Variants in ARFIP1 observed in about 807,000 individuals in gnomAD.
The protein encoded by ARFIP1 is arfaptin-1.
A neutral mutation model predicts 42.5 loss-of-function variants in ARFIP1; 24 were observed. The ratio of observed to expected loss-of-function variants is 0.57; its 90% CI spans 0.41 to 0.80. The LOEUF (loss-of-function observed/expected upper bound fraction) is 0.80. Among genes scored for constraint, ARFIP1 ranks in the 30% least tolerant of loss-of-function variants. ARFIP1 has a pLI of 0.00. For synonymous variants in ARFIP1, 141 were observed against 153.7 expected (o/e 0.92, Z 0.61); for missense variants, 354 against 434.0 (o/e 0.82, Z 1.64).
At chr4:152,851,370 A>C (rs568278334) in intron 2 of ARFIP1, among the ~76,000 whole-genome samples, 3 of 152,352 alleles carry the variant, frequency 2.0e-5, no homozygotes, top group African/African-American at 7.2e-5. Flanking sequence ...ACCTAGCCAG[A>C]TAAAGGGTGA....
chr4:152,853,963 T>G (rs1733213907), intron 2 of ARFIP1, among the ~76,000 whole-genome samples: 1 of 133,994 alleles, frequency 7.5e-6, no homozygotes. Flanking sequence ...CAGGCTGGAG[T>G]GCAGTGGGGC....
At chr4:152,801,084 G>A (rs1176395374) in intron 1 of ARFIP1, among the ~76,000 whole-genome samples, 1 of 152,128 alleles carries the variant, frequency 6.6e-6, no homozygotes, top group African/African-American at 2.4e-5. Flanking sequence ...TCAAGCTGAG[G>A]AGTCGGCTTT....
intron 8 of ARFIP1, among the ~76,000 whole-genome samples, chr4:152,904,260 G>A (rs1738113348): frequency 6.7e-6 from 1 of 148,900 alleles, no homozygotes; most frequent in South Asian, 2.1e-4. Context: ...GCGCAATATC[G>A]GCTCACTGCA....
intron 1 of ARFIP1, among the ~76,000 whole-genome samples, chr4:152,787,963 C>T (rs189807843): frequency 9.7e-4 from 148 of 152,222 alleles, no homozygotes; most frequent in African/African-American, 3.4e-3. Flanking sequence ...CAGTGGCTCA[C>T]GCCTGTAATC....
At chr4:152,800,137 A>G (rs1007568085) in intron 1 of ARFIP1, among the ~76,000 whole-genome samples, 2 of 152,224 alleles carry the variant, frequency 1.3e-5, no homozygotes, top group Non-Finnish European at 2.9e-5. Context: ...AAAGCATTAT[A>G]TGAGTTTACA....
chr4:152,888,152 C>G lies in ARFIP1; in HGVS notation c.811C>G (p.Arg271Gly). ...TTCCAGGATTGAATATGATGCATAT[C>G]GCACTGATTTGGAAGAACTGAATCT... ...ESARIEYDAY[R>G]TDLEELNLGP... The change falls in exon 8 of 9, where the codon CGC becomes GGC. Residue 271 changes from arginine (R) to glycine (G), a missense_variant. Physicochemically the swap from Arg to Gly is moderately radical, Grantham distance 125. Transcript: ENST00000353617. 1 of 1,608,424 alleles carries G rather than the reference C, an allele frequency of 6.2e-7. No homozygotes were observed. The highest frequency in any genetic ancestry group is 1.1e-5 in the South Asian group (1 of 89,998).
At chr4:152,857,623 A>G (rs1422641636) in intron 2 of ARFIP1, among the ~76,000 whole-genome samples, 1 of 152,182 alleles carries the variant, frequency 6.6e-6, no homozygotes, top group Non-Finnish European at 1.5e-5. Context: ...GTTTAGTTAA[A>G]TAACACCAGT....
In ARFIP1 at chr4:152,870,764, C is replaced by A; in HGVS notation, c.214C>A (p.Pro72Thr). The A allele has an allele frequency of 3.7e-6, 6 of 1,613,950 alleles. No homozygotes were observed. The highest frequency in any genetic ancestry group is 5.1e-6 in the Non-Finnish European group (6 of 1,179,846). The change falls in exon 4 of 9, where the codon CCG (proline) becomes ACG (threonine). Residue 72 changes from proline to threonine, a missense_variant. Physicochemically the swap from Pro to Thr is conservative, Grantham distance 38. Coordinates refer to ENST00000353617, the MANE Select transcript of ARFIP1 (RefSeq NM_001025595.3). ...GTCTACCTTTTCAGGTTCCCCAGCACCGCCACTGCCATCTGTTATGTCTCC... is the reference window on the plus strand; with the variant it reads ...GTCTACCTTTTCAGGTTCCCCAGCAACGCCACTGCCATCTGTTATGTCTCC... Reference protein sequence around the residue: ...EAGAFQGSPAPPLPSVMSPSR... With the variant: ...EAGAFQGSPATPLPSVMSPSR...
At chr4:152,795,921 GC>G in intron 1 of ARFIP1, 1 of 135,940 alleles carries the variant, frequency 7.4e-6, no homozygotes, top group Non-Finnish European at 1.5e-5. Context: ...GTTTTTTTCC[GC>G]CCCATTTTAA....
intron 1 of ARFIP1, among the ~76,000 whole-genome samples, chr4:152,804,089 CGTAAT>C (rs1160680011): frequency 3.1e-3 from 240 of 77,458 alleles, no homozygotes; most frequent in Non-Finnish European, 3.5e-3. Context: ...TATAATATAA[CGTAAT>C]ATATATTATA....
rs185011591 is a variant in ARFIP1, at chr4:152,895,828, C to G, written c.966+7521C>G. ...CCTTCTGCCTCAGCCTCCCAAAGAG[C>G]TAGGATTATAGGCGTGAGCTGCCAT... On this transcript the variant is annotated intron_variant, in intron 8 of 8. Transcript: ENST00000353617. 2.6e-5 allele frequency among the ~76,000 whole-genome samples: 4 copies of G among 152,172 alleles called. No homozygotes were observed. The East Asian group carries it at 7.7e-4, about 29-fold the overall frequency.
At chr4:152,781,396 C>T (rs1022290846) in intron 1 of ARFIP1, among the ~76,000 whole-genome samples, 9 of 152,182 alleles carry the variant, frequency 5.9e-5, no homozygotes, top group African/African-American at 2.2e-4. Context: ...CCACTACCGC[C>T]TAGCTAATTT....
Position 152,829,726 on chromosome 4 carries a change from G to A in ARFIP1, c.93G>A (p.Arg31=). ...VDDSREHSFN[R]DLKHSLPSGL... is the part of the protein sequence containing the mutation. ...ACTCTCGTGAACATAGCTTTAATAG[G>A]GTAAGAACACTTTTCTTTCTCTTAA... The change falls in exon 2 of 9, where the codon AGG becomes AGA. Residue 31 remains arginine, a splice_region_variant and synonymous_variant. Transcript: ENST00000353617. 1 of 1,584,396 alleles carries A rather than the reference G, an allele frequency of 6.3e-7. No individual in the cohort carries two copies. Among genetic ancestry groups the A allele is most frequent in the South Asian group, 1.2e-5 (1 of 86,270 alleles).
In ARFIP1 at chr4:152,793,243, G is replaced by A. The variant is rs1258546543; in HGVS notation, c.-10+13017G>A. On this transcript the variant is annotated intron_variant, in intron 1 of 8. Transcript: ENST00000353617. ...AGAAATAAATATGAAGTGGATCAGA[G>A]CACTTAAAGAATGAGCCGAGATAGC... is the stretch of plus-strand genomic sequence containing the variant. 2.7e-5 allele frequency among the ~76,000 whole-genome samples: 4 copies of A among 149,982 alleles called. No homozygotes were observed. The East Asian group carries it at 7.8e-4, about 29-fold the overall frequency.
intron 7 of ARFIP1, among the ~76,000 whole-genome samples, chr4:152,885,536 G>GTGAAGT (rs1490978153): frequency 6.6e-6 from 1 of 151,908 alleles, no homozygotes; most frequent in African/African-American, 2.4e-5. Context: ...CAACCTTGAA[G>GTGAAGT]TGAAGTTGCT....
chr4:152,782,767 A>G (rs1334550508), intron 1 of ARFIP1, among the ~76,000 whole-genome samples: 1 of 152,194 alleles, frequency 6.6e-6, no homozygotes, highest in African/African-American at 2.4e-5. Flanking sequence ...TGAATACGTT[A>G]GTATCCTTCC....
intron 8 of ARFIP1, among the ~76,000 whole-genome samples, chr4:152,889,163 A>G (rs968757140): frequency 6.6e-6 from 1 of 152,072 alleles, no homozygotes; most frequent in African/African-American, 2.4e-5. Context: ...GGAAACAGTC[A>G]TGTTTATATT....
At chr4:152,824,583 A>G (rs1052914019) in intron 1 of ARFIP1, among the ~76,000 whole-genome samples, 3 of 152,246 alleles carry the variant, frequency 2.0e-5, no homozygotes, top group Admixed American at 6.5e-5. Context: ...AGCCAGCATC[A>G]TGCTGAACAA....
rs555427657 is a variant in ARFIP1 at position 152,911,800 on chromosome 4, C to G, written c.*1581C>G. On this transcript the variant is annotated 3_prime_UTR_variant, in exon 9 of 9. Coordinates refer to ENST00000353617, the MANE Select transcript of ARFIP1 (RefSeq NM_001025595.3). ...TTCCTGTATATTTGTACTCAGAGAG[C>G]CTTATTTTATTCTTCCAGCAGAATT... 3 of 152,528 alleles carry G rather than the reference C, an allele frequency of 2.0e-5. No homozygotes were observed. Among genetic ancestry groups the G allele is most frequent in the South Asian group, 4.2e-4 (2 of 4,810 alleles). 9.4% of individuals were successfully genotyped at this position (152,528 alleles called of 1,614,324 possible). A position where few individuals can be genotyped will look rare whatever the true frequency, so the allele number is the denominator to read the frequency against.
Sources: allele counts gnomAD v4.1 joint callset (sites outside exome capture counted in the v4.1 genomes callset), GRCh38; gene constraint gnomAD v4.1.1; transcripts MANE v1.5; gene names NCBI Gene and HGNC (gene_info 2026-07-23, HGNC 2026-07-21).